ARHGEF12: variants seen among roughly 807,000 people sequenced by gnomAD.
The protein encoded by ARHGEF12 is Rho guanine nucleotide exchange factor 12, also known as KMT2A/ARHGEF12 fusion protein.
Under a neutral mutation model 211.2 loss-of-function variants are expected in ARHGEF12, and 66 were observed. The ratio of observed to expected loss-of-function variants is 0.31; its 90% CI spans 0.26 to 0.38. The LOEUF (loss-of-function observed/expected upper bound fraction) is 0.38. ARHGEF12 is among the 10% of genes least tolerant of loss of function. The probability of loss-of-function intolerance (pLI) is 1.00; values close to 1 mark genes in which losing one functional copy is unlikely to be tolerated. For synonymous variants in ARHGEF12, 592 were observed against 638.4 expected (o/e 0.93, Z 1.09); for missense variants, 1,429 against 1,869.5 (o/e 0.76, Z 4.34).
chr11:120,431,758 T>A lies in ARHGEF12; in HGVS notation c.784-13T>A, dbSNP rs150488820. 6.4e-7 allele frequency: 1 copy of A among 1,560,440 alleles called. No homozygotes were observed. The highest frequency in any genetic ancestry group is 2.0e-5 in the Admixed American group (1 of 48,938). ...GTGTTTGTGTGCGCGTGTTTTTCTT[T>A]CATCTGTTTTAGGATGGAGCTGTAG... On this transcript the variant is annotated splice_polypyrimidine_tract_variant and intron_variant, in intron 10 of 40. Coordinates refer to ENST00000397843, the MANE Select transcript of ARHGEF12 (RefSeq NM_015313.3).
At chr11:120,474,667 A>G (rs1039676641) in intron 32 of ARHGEF12, 32 bp downstream of exon 32, 1 of 1,551,572 alleles carries the variant, frequency 6.4e-7, no homozygotes, top group Non-Finnish European at 8.8e-7. Context: ...AGTTTTGGGG[A>G]GAGTGGCAAA....
At chr11:120,456,572 A>T (rs1946368557) in intron 22 of ARHGEF12, among the ~76,000 whole-genome samples, 1 of 152,258 alleles carries the variant, frequency 6.6e-6, no homozygotes, top group Admixed American at 6.5e-5. Flanking sequence ...ATTTGAAAAC[A>T]TGAAAAAGGA....
intron 1 of ARHGEF12, among the ~76,000 whole-genome samples, chr11:120,387,263 G>A (rs940888330): frequency 5.9e-5 from 9 of 151,812 alleles, no homozygotes; most frequent in Non-Finnish European, 1.3e-4. Context: ...GAGGGTGATA[G>A]AGTGCATATC....
At chr11:120,435,354 AG>A (rs1299872739) in intron 11 of ARHGEF12, among the ~76,000 whole-genome samples, 1 of 152,066 alleles carries the variant, frequency 6.6e-6, no homozygotes, top group Non-Finnish European at 1.5e-5. Flanking sequence ...TGATCACATT[AG>A]GTTTGATAGT....
intron 4 of ARHGEF12, 154 bp downstream of exon 4, chr11:120,409,604 G>A (rs1439006839): frequency 2.8e-6 from 2 of 709,876 alleles, no homozygotes; most frequent in South Asian, 4.4e-5. Flanking sequence ...GGGAAAGGGA[G>A]CCTGGGGTTT....
At chr11:120,471,126 A>C (rs899038087) in intron 30 of ARHGEF12, among the ~76,000 whole-genome samples, 1 of 152,256 alleles carries the variant, frequency 6.6e-6, no homozygotes, top group Non-Finnish European at 1.5e-5. Flanking sequence ...TCTTTATCTG[A>C]AGATAAAGAT....
chr11:120,454,390 A>G (rs906224225), intron 22 of ARHGEF12, among the ~76,000 whole-genome samples: 2 of 152,246 alleles, frequency 1.3e-5, no homozygotes, highest in South Asian at 2.1e-4. Context: ...ATTAGGTAGT[A>G]TACTTGGGGA....
At chr11:120,344,643 G>A (rs946165669) in intron 1 of ARHGEF12, among the ~76,000 whole-genome samples, 1 of 152,144 alleles carries the variant, frequency 6.6e-6, no homozygotes, top group African/African-American at 2.4e-5. Flanking sequence ...ACCTTCTTAG[G>A]GCAAGTGCTG....
intron 32 of ARHGEF12, 138 bp from the exon 33 acceptor site, chr11:120,475,202 A>G (rs1026730396): frequency 4.1e-6 from 3 of 727,318 alleles, no homozygotes; most frequent in African/African-American, 3.6e-5. Flanking sequence ...ATGAAATTTT[A>G]AAAGATAATA....
intron 15 of ARHGEF12, among the ~76,000 whole-genome samples, chr11:120,444,065 A>G (rs1442886528): frequency 6.6e-6 from 1 of 152,168 alleles, no homozygotes; most frequent in Non-Finnish European, 1.5e-5. Context: ...AAGTTTTATT[A>G]GGCCAGATAT....
At chr11:120,468,619 T>A (rs905116962) in intron 29 of ARHGEF12, among the ~76,000 whole-genome samples, 2 of 152,180 alleles carry the variant, frequency 1.3e-5, no homozygotes, top group Non-Finnish European at 2.9e-5. Context: ...TGGCTAATTT[T>A]TTTGTATTTT....
intron 1 of ARHGEF12, among the ~76,000 whole-genome samples, chr11:120,349,971 T>G (rs142601896): frequency 3.4e-4 from 52 of 152,332 alleles, no homozygotes; most frequent in African/African-American, 1.2e-3. Context: ...CCGTGGAACA[T>G]CTCTTCACAA....
At chr11:120,445,358 G>A in intron 15 of ARHGEF12, 64 bp from the exon 16 acceptor site, 3 of 1,534,878 alleles carry the variant, frequency 2.0e-6, no homozygotes, top group Non-Finnish European at 9.0e-7. Context: ...CTTTACAGAA[G>A]TACTTATGTA....
chr11:120,445,690 A>G (rs892349291), intron 16 of ARHGEF12, among the ~76,000 whole-genome samples: 9 of 152,040 alleles, frequency 5.9e-5, no homozygotes, highest in African/African-American at 1.9e-4. Flanking sequence ...CCTGAGGTCA[A>G]GAGTTCGAGA....
In ARHGEF12 at chr11:120,489,429, C is replaced by A; in HGVS notation, c.*4352C>A. ...AGGTAGGCCAGCTTTTATGACGCAC[C>A]TGAAGATAACTTTGGTTTTAATCCT... On this transcript the variant is annotated 3_prime_UTR_variant, in exon 41 of 41. Transcript: ENST00000397843. 4.5e-6 allele frequency: 1 copy of A among 224,104 alleles called. No homozygotes were observed. Among genetic ancestry groups the A allele is most frequent in the Non-Finnish European group, 8.9e-6 (1 of 112,404 alleles). 13.9% of individuals were successfully genotyped at this position (224,104 alleles called of 1,614,324 possible).
intron 2 of ARHGEF12, 49 bp downstream of exon 2, chr11:120,406,190 A>G: frequency 7.8e-7 from 1 of 1,280,356 alleles, no homozygotes. Flanking sequence ...TTATATTTTA[A>G]TTATAAGCAT....
At chr11:120,463,889 A>G (rs1401691551) in intron 27 of ARHGEF12, 2 of 152,260 alleles carry the variant, frequency 1.3e-5, no homozygotes, top group Admixed American at 1.3e-4. Context: ...TTCGTAAACC[A>G]TAAAGCAATT....
chr11:120,413,502 C>G (rs1313759631), intron 4 of ARHGEF12, among the ~76,000 whole-genome samples: 3 of 152,178 alleles, frequency 2.0e-5, no homozygotes. Flanking sequence ...AAGATCTTCA[C>G]TCATCCTAAT....
chr11:120,462,991 A>T (rs1245994254), intron 27 of ARHGEF12: 1 of 152,216 alleles, frequency 6.6e-6, no homozygotes, highest in Non-Finnish European at 1.5e-5. Flanking sequence ...CTGGTCAGCC[A>T]TGTGATCACA....
Sources: gnomAD v4.1 joint callset for allele counts (sites outside exome capture counted in the v4.1 genomes callset) on GRCh38, gnomAD v4.1.1 for gene constraint, MANE v1.5 for transcripts, NCBI Gene and HGNC (gene_info 2026-07-23, HGNC 2026-07-21) for gene names.